RBFOX3: variants seen among roughly 807,000 people sequenced by gnomAD.
The protein encoded by RBFOX3 is RNA binding protein fox-1 homolog 3.
RBFOX3 carries 17 observed loss-of-function variants against 48.7 expected under a neutral mutation model. The observed-to-expected ratio is 0.35, with a 90% CI of 0.24 to 0.52. The LOEUF is 0.52. Ranked by LOEUF, RBFOX3 falls within the 20% of genes least tolerant of loss-of-function variation. The probability of loss-of-function intolerance (pLI) is 0.94; values close to 1 mark genes in which losing one functional copy is unlikely to be tolerated. For synonymous variants in RBFOX3, 212 were observed against 209.5 expected, an observed-to-expected ratio of 1.01 and a Z score of -0.10; for missense variants, 382 against 497.5, an observed-to-expected ratio of 0.77 and a Z score of 2.21.
chr17:79,277,060 C>A (rs1427645000), intron 3 of RBFOX3, among the ~76,000 whole-genome samples: 1 of 152,254 alleles, frequency 6.6e-6, no homozygotes, highest in East Asian at 1.9e-4. Flanking sequence ...GCCAGCTCCA[C>A]TTTTGCCTGG....
chr17:79,542,582 G>A (rs574270917), intron 1 of RBFOX3, among the ~76,000 whole-genome samples: 38 of 152,324 alleles, frequency 2.5e-4, no homozygotes, highest in East Asian at 9.6e-4. Flanking sequence ...TCAGGAGTTC[G>A]AGATCAGCCT....
rs1424385801 is a variant in RBFOX3, at chr17:79,111,719, C to A, written c.222+3775G>T. ...AAGTGCTGGGGTGACAGGCGTGAGC[C>A]AACATGCCCGGCCCGTTAGCAAGCT... On this transcript the variant is annotated intron_variant, in intron 5 of 14. Coordinates refer to ENST00000693108, the MANE Select transcript of RBFOX3 (RefSeq NM_001350451.2). This position sits in a 1 kb window ranked among gnomAD's most constrained non-coding sequence, Gnocchi z 4.2. Among the ~76,000 whole-genome samples the A allele has an allele frequency of 6.6e-6, 1 of 152,262 alleles. No homozygotes were observed. Among genetic ancestry groups the A allele is most frequent in the Non-Finnish European group, 1.5e-5 (1 of 68,056 alleles).
rs568772134 is a variant in RBFOX3, at chr17:79,460,418, C to T, written c.-175+22036G>A. ...CACACTCCCACCACAGTCAGCTCCC[C>T]AGAATCAAGCTCATCAGGTCTAGCT... On this transcript the variant is annotated intron_variant, in intron 2 of 14. Transcript: ENST00000693108. Among the ~76,000 whole-genome samples the T allele has an allele frequency of 9.9e-4, 151 of 152,260 alleles. 1 individual carries two copies. Among genetic ancestry groups the T allele is most frequent in the African/African-American group, 3.6e-3 (148 of 41,548 alleles).
intron 5 of RBFOX3, among the ~76,000 whole-genome samples, chr17:79,110,012 G>A (rs1318871757): frequency 3.3e-5 from 5 of 151,956 alleles, no homozygotes; most frequent in Non-Finnish European, 5.9e-5. Context: ...GGAAGCCCTC[G>A]CATGACTGCA....
At chr17:79,630,839 G>A in the RBFOX3 span, among the ~76,000 whole-genome samples, 1 of 152,074 alleles carries the variant, frequency 6.6e-6, no homozygotes, top group African/African-American at 2.4e-5. Flanking sequence ...TTACAGTTGT[G>A]GAAACTGAGT....
At chr17:79,647,317 C>T in the RBFOX3 span, among the ~76,000 whole-genome samples, 1 of 152,098 alleles carries the variant, frequency 6.6e-6, no homozygotes, top group Admixed American at 6.5e-5. Flanking sequence ...TGGGTGAGTT[C>T]CTCTCTCCCA....
intron 2 of RBFOX3, among the ~76,000 whole-genome samples, chr17:79,357,245 G>A (rs114605994): frequency 0.015 from 2,299 of 152,350 alleles, 18 homozygotes; most frequent in Non-Finnish European, 0.021. Flanking sequence ...CCTTTAAGCA[G>A]AAAGAGCGCC....
intron 2 of RBFOX3, among the ~76,000 whole-genome samples, chr17:79,413,572 T>C (rs1417803616): frequency 6.6e-6 from 1 of 152,218 alleles, no homozygotes. Context: ...AGGGAGCAGG[T>C]TTCCACCTGG....
chr17:79,542,204 C>T (rs1322441869), intron 1 of RBFOX3, among the ~76,000 whole-genome samples: 7 of 152,104 alleles, frequency 4.6e-5, no homozygotes, highest in Admixed American at 3.9e-4. Flanking sequence ...AAAACCCTGG[C>T]GGTGTCTAAC....
chr17:79,497,407 T>G (rs2081697634), intron 1 of RBFOX3, among the ~76,000 whole-genome samples: 1 of 152,172 alleles, frequency 6.6e-6, no homozygotes, highest in African/African-American at 2.4e-5. Flanking sequence ...AGTCTTTTAT[T>G]CAGCCAAAGT....
intron 5 of RBFOX3, among the ~76,000 whole-genome samples, chr17:79,112,301 G>C (rs2031990319): frequency 6.6e-6 from 1 of 152,246 alleles, no homozygotes; most frequent in Non-Finnish European, 1.5e-5. Context: ...TGCAGGGTCA[G>C]CTGTGCTTCT....
chr17:79,159,009 G>A (rs527590578), intron 4 of RBFOX3, among the ~76,000 whole-genome samples: 1 of 152,328 alleles, frequency 6.6e-6, no homozygotes, highest in Non-Finnish European at 1.5e-5. Flanking sequence ...CAGTGAAGGC[G>A]AGGCTGCAGG....
intron 3 of RBFOX3, among the ~76,000 whole-genome samples, chr17:79,283,137 C>T (rs1053928606): frequency 1.3e-5 from 2 of 152,162 alleles, no homozygotes; most frequent in East Asian, 1.9e-4. Flanking sequence ...GATATTTTGT[C>T]ATATGGAACA....
chr17:79,550,817 T>C (rs2091072389), intron 1 of RBFOX3, among the ~76,000 whole-genome samples: 1 of 152,142 alleles, frequency 6.6e-6, no homozygotes, highest in African/African-American at 2.4e-5. Context: ...GGTTGATTTA[T>C]GGACAGACAG....
At chr17:79,632,348 A>G in the RBFOX3 span, among the ~76,000 whole-genome samples, 5 of 152,082 alleles carry the variant, frequency 3.3e-5, no homozygotes, top group Non-Finnish European at 7.4e-5. Flanking sequence ...TGGGAGAGGA[A>G]CTGGAAATGG....
chr17:79,320,059 AGGCTGCTGGTCTTCTCTG>A (rs1433540488), intron 2 of RBFOX3, among the ~76,000 whole-genome samples: 5 of 149,124 alleles, frequency 3.4e-5, no homozygotes, highest in African/African-American at 1.2e-4. Flanking sequence ...GGTCTTGTCC[AGGCTGCTGGTCTTCTCTG>A]GGCTGCTGGT....
chr17:79,114,688 A>G (rs1265810895), intron 5 of RBFOX3, among the ~76,000 whole-genome samples: 1 of 152,220 alleles, frequency 6.6e-6, no homozygotes, highest in Admixed American at 6.5e-5. Context: ...CCCGCCAGCT[A>G]GCACATCCAG....
chr17:79,163,630 C>T (rs2047408863), intron 4 of RBFOX3, among the ~76,000 whole-genome samples: 2 of 152,194 alleles, frequency 1.3e-5, no homozygotes, highest in South Asian at 4.1e-4. Flanking sequence ...CCTCACCCTG[C>T]CCACCCAGCA....
intron 2 of RBFOX3, among the ~76,000 whole-genome samples, chr17:79,371,616 A>G (rs11650313): frequency 0.18 from 27,120 of 152,132 alleles, 2,792 homozygotes; most frequent in East Asian, 0.28. Flanking sequence ...GGGCCACTCG[A>G]TGAGGAAGGT....
Sources: allele counts gnomAD v4.1 joint callset (sites outside exome capture counted in the v4.1 genomes callset), GRCh38; gene constraint gnomAD v4.1.1; non-coding constraint Gnocchi (gnomAD v3.1); transcripts MANE v1.5; gene names NCBI Gene and HGNC (gene_info 2026-07-23, HGNC 2026-07-21).